LATS1: variants seen among roughly 807,000 people sequenced by gnomAD.
The protein encoded by LATS1 is large tumor suppressor kinase 1.
Under a neutral mutation model 106.6 loss-of-function variants are expected in LATS1, and 25 were observed. The observed-to-expected ratio is 0.23, with a 90% confidence interval of 0.17 to 0.33. LATS1 has a LOEUF of 0.33. Ranked by LOEUF, LATS1 falls within the 10% of genes least tolerant of loss-of-function variation. The pLI, the probability that LATS1 is intolerant of heterozygous loss-of-function variation, is 1.00. For synonymous variants in LATS1, 465 were observed against 455.6 expected (o/e 1.02, Z -0.26); for missense variants, 1,040 against 1,382.6 (o/e 0.75, Z 3.93).
At chr6:149,666,260 C>A (rs1411358545) in intron 7 of LATS1, among the ~76,000 whole-genome samples, 1 of 151,140 alleles carries the variant, frequency 6.6e-6, no homozygotes, top group Non-Finnish European at 1.5e-5. Flanking sequence ...CAGAAAATTT[C>A]AACATAGAAA....
chr6:149,701,407 T>A (rs909267068), intron 2 of LATS1, among the ~76,000 whole-genome samples: 17 of 152,292 alleles, frequency 1.1e-4, no homozygotes, highest in African/African-American at 4.1e-4. Context: ...AAATTTCATA[T>A]CCTTGGAACT....
At chr6:149,695,412 G>A (rs920614664) in intron 2 of LATS1, among the ~76,000 whole-genome samples, 191 bp from the exon 3 acceptor site, 12 of 152,120 alleles carry the variant, frequency 7.9e-5, no homozygotes, top group South Asian at 2.1e-4. Flanking sequence ...CAGGCAGGGC[G>A]CAGTGGCTCA....
rs575443437 is a variant in LATS1 at position 149,702,828 on chromosome 6, C to T, written c.-140-562G>A. ...CTGGGATTACAGGCACCCGCCACCA[C>T]GCCCAGCTAACTTTTTTTGTATTTT... On this transcript the variant is annotated intron_variant, in intron 1 of 7. Coordinates refer to ENST00000543571, the MANE Select transcript of LATS1 (RefSeq NM_004690.4). 2.6e-3 allele frequency among the ~76,000 whole-genome samples: 395 copies of T among 152,226 alleles called. 3 individuals carry two copies. Among genetic ancestry groups the T allele is most frequent in the African/African-American group, 8.8e-3 (364 of 41,548 alleles).
intron 3 of LATS1, among the ~76,000 whole-genome samples, chr6:149,689,815 A>G (rs1404745734): frequency 2.0e-5 from 3 of 152,128 alleles, no homozygotes; most frequent in African/African-American, 4.8e-5. Context: ...CTGTTCCTCT[A>G]TCTAAGGCTA....
intron 1 of LATS1, among the ~76,000 whole-genome samples, chr6:149,712,393 T>G (rs1784155921): frequency 6.6e-6 from 1 of 152,072 alleles, no homozygotes; most frequent in Non-Finnish European, 1.5e-5. Context: ...AGACGGAGTT[T>G]CTCCATGTTG....
At position 149,683,889 on chromosome 6, in the gene LATS1, A is replaced by G; in HGVS notation, c.1200T>C (p.Tyr400=). 6.2e-7 allele frequency: 1 copy of G among 1,614,076 alleles called. No homozygotes were observed. Among genetic ancestry groups the G allele is most frequent in the Non-Finnish European group, 8.5e-7 (1 of 1,179,964 alleles). ...TAGACTGAGGAATACTTCCATTTGTATATGACGAAGGAGCAGCAGATCCCC... is the reference window on the plus strand; with the variant it reads ...TAGACTGAGGAATACTTCCATTTGTGTATGACGAAGGAGCAGCAGATCCCC... ...QTGGSAAPSS[Y]TNGSIPQSMM... is the part of the protein sequence containing the mutation. Residue 400 remains tyrosine, a synonymous_variant, in exon 4 of 8, where the codon TAT becomes TAC. Coordinates refer to ENST00000543571, the MANE Select transcript of LATS1 (RefSeq NM_004690.4).
rs1266267975 is a variant in LATS1, at chr6:149,658,657, TCA to T, written c.*3070_*3071del. On this transcript the variant is annotated 3_prime_UTR_variant, in exon 8 of 8. Transcript: ENST00000543571. ...TTAAGTCAGAATAAAACAATTCCAC[TCA>T]CAGTTTTGCACTTTGCAACAGCAGA... The T allele has an allele frequency of 3.3e-5, 5 of 152,170 alleles. No homozygotes were observed. The highest frequency in any genetic ancestry group is 5.9e-5 in the Non-Finnish European group (4 of 68,018). 9.4% of individuals were successfully genotyped at this position (152,170 alleles called of 1,614,324 possible). A position where few individuals can be genotyped will look rare whatever the true frequency, so the allele number is the denominator to read the frequency against.
At chr6:149,709,657 C>T (rs550188634) in intron 1 of LATS1, among the ~76,000 whole-genome samples, 3 of 144,934 alleles carry the variant, frequency 2.1e-5, no homozygotes, top group African/African-American at 7.5e-5. Context: ...CTGGTCTCCA[C>T]AACCCCTTAT....
In LATS1 at chr6:149,684,090, C is replaced by A; in HGVS notation, c.999G>T (p.Gln333His). The A allele has an allele frequency of 1.2e-6, 2 of 1,614,204 alleles. No homozygotes were observed. The highest frequency in any genetic ancestry group is 1.3e-5 in the African/African-American group (1 of 75,048). ...ATGGAAAGTTAAATTTGCTAGAACT[C>A]TGCATGATGATTGGTTGTCTGCCAA... Reference protein sequence around the residue: ...VPVGRQPIIMQSSSKFNFPSG... With the variant: ...VPVGRQPIIMHSSSKFNFPSG... The change falls in exon 4 of 8, where the codon CAG (glutamine) becomes CAT (histidine). Residue 333 changes from glutamine (Q) to histidine (H), a missense_variant. By Grantham distance (24) the Gln-to-His change is conservative. This residue lies in a region of LATS1 where 624 missense variants were observed against 714.8 expected (regional missense o/e 0.87). Transcript: ENST00000543571.
chr6:149,681,637 T>C (rs1187773212), intron 4 of LATS1, among the ~76,000 whole-genome samples: 3 of 152,242 alleles, frequency 2.0e-5, no homozygotes, highest in Non-Finnish European at 4.4e-5. Context: ...GAAATTATTA[T>C]GGTATTTCTC....
At chr6:149,707,965 C>T (rs75078200) in intron 1 of LATS1, among the ~76,000 whole-genome samples, 2 of 152,012 alleles carry the variant, frequency 1.3e-5, no homozygotes, top group East Asian at 3.9e-4. Flanking sequence ...ACTGCCTTGG[C>T]CTTTCTCTTT....
chr6:149,661,661 CAG>C lies in LATS1; in HGVS notation c.*66_*67del. On this transcript the variant is annotated 3_prime_UTR_variant, in exon 8 of 8. Transcript: ENST00000543571. ...TGTCATATTTGCATAATTTTACTCT[CAG>C]AACCTCAAAACACCTCGCATTTCAG... is the stretch of plus-strand genomic sequence containing the variant. 7.2e-7 allele frequency: 1 copy of C among 1,379,496 alleles called. No homozygotes were observed. The allele number at this position is 1,379,496 out of a possible 1,614,324, so 85.5% of individuals were successfully genotyped here.
chr6:149,708,576 G>A (rs1233973921), intron 1 of LATS1, among the ~76,000 whole-genome samples: 1 of 152,108 alleles, frequency 6.6e-6, no homozygotes, highest in Non-Finnish European at 1.5e-5. Flanking sequence ...CCATTTCCCA[G>A]ATTTGGCCAA....
intron 2 of LATS1, chr6:149,697,093 T>A: frequency 7.7e-7 from 1 of 1,295,776 alleles, no homozygotes; most frequent in Middle Eastern, 2.2e-4. Flanking sequence ...ACTACTTACT[T>A]GTCCTAGAGG....
intron 1 of LATS1, among the ~76,000 whole-genome samples, chr6:149,715,042 TA>T (rs1359049351): frequency 6.6e-6 from 1 of 152,080 alleles, no homozygotes; most frequent in East Asian, 1.9e-4. Context: ...GTAGATGTAC[TA>T]TTTTTTATTT....
At chr6:149,674,770 CA>C (rs111779138) in intron 7 of LATS1, among the ~76,000 whole-genome samples, 3 of 149,176 alleles carry the variant, frequency 2.0e-5, no homozygotes, top group Admixed American at 6.7e-5. Context: ...ACAAAAAATA[CA>C]AAAAAAAATG....
chr6:149,706,897 G>C (rs1183111449), intron 1 of LATS1, among the ~76,000 whole-genome samples: 1 of 151,728 alleles, frequency 6.6e-6, no homozygotes, highest in African/African-American at 2.4e-5. Context: ...CAGGTTTATA[G>C]TGATTTGTTA....
intron 1 of LATS1, chr6:149,716,334 T>C (rs543902263): frequency 2.0e-5 from 3 of 152,318 alleles, no homozygotes; most frequent in East Asian, 1.9e-4. Context: ...TAAAGGAAAC[T>C]GCATACTGAC....
chr6:149,668,240 A>C (rs1781263132), intron 7 of LATS1, among the ~76,000 whole-genome samples: 1 of 151,866 alleles, frequency 6.6e-6, no homozygotes, highest in Admixed American at 6.6e-5. Flanking sequence ...TATTCTAAGG[A>C]AGGCAAAATA....
Sources: allele counts gnomAD v4.1 joint callset (sites outside exome capture counted in the v4.1 genomes callset), GRCh38; gene constraint gnomAD v4.1.1; regional missense constraint gnomAD v4.1.1; transcripts MANE v1.5; gene names NCBI Gene and HGNC (gene_info 2026-07-23, HGNC 2026-07-21).